Variants in GBP6 observed in about 807,000 individuals in gnomAD.
The protein encoded by GBP6 is guanylate binding protein family member 6.
A neutral mutation model predicts 61.5 loss-of-function variants in GBP6; 54 were observed. The ratio of observed to expected loss-of-function variants is 0.88; its 90% confidence interval spans 0.71 to 1.10. GBP6 has a LOEUF of 1.10. Ranked by LOEUF, GBP6 falls within the 50% of genes least tolerant of loss-of-function variation. The probability of loss-of-function intolerance (pLI) is 0.00; values close to 1 mark genes in which losing one functional copy is unlikely to be tolerated. For synonymous variants in GBP6, 255 were observed against 273.7 expected (o/e 0.93, Z 0.67); for missense variants, 748 against 752.8 (o/e 0.99, Z 0.07).
At chr1:89,382,093 A>C in intron 7 of GBP6, 119 bp downstream of exon 7, 8 of 1,040,006 alleles carry the variant, frequency 7.7e-6, no homozygotes, top group Non-Finnish European at 1.1e-5. Context: ...GTGGATTCTC[A>C]TGAGGGATAG....
chr1:89,368,416 C>A, intron 1 of GBP6, 113 bp from the exon 2 acceptor site: 1 of 686,628 alleles, frequency 1.5e-6, no homozygotes, highest in Non-Finnish European at 2.5e-6. Context: ...TCAGCTAATG[C>A]TAGATTACAT....
Position 89,378,473 on chromosome 1 carries a change from G to T in GBP6, c.485G>T (p.Gly162Val). 1 of 1,614,162 alleles carries T rather than the reference G, an allele frequency of 6.2e-7. No individual in the cohort carries two copies. The highest frequency in any genetic ancestry group is 8.5e-7 in the Non-Finnish European group (1 of 1,180,006). ...GCAAAGTCCTCCCCAAGGCCTGATG[G>T]AGTAGAAGATTCCACAGAGTTTGTG... ...IKAKSSPRPD[G>V]VEDSTEFVSF... The change falls in exon 5 of 11, where the codon GGA becomes GTA. Residue 162 changes from glycine to valine, a missense_variant. By Grantham distance (109) the Gly-to-Val change is moderately radical. Coordinates refer to ENST00000370456, the MANE Select transcript of GBP6 (RefSeq NM_198460.3).
intron 3 of GBP6, among the ~76,000 whole-genome samples, chr1:89,374,805 C>T (rs1423864554): frequency 6.6e-6 from 1 of 152,030 alleles, no homozygotes; most frequent in Non-Finnish European, 1.5e-5. Context: ...GCAAGATGTG[C>T]AGGTTTGTTA....
At position 89,382,831 on chromosome 1, in the gene GBP6, A is replaced by G; in HGVS notation, c.1320A>G (p.Glu440=). ...GGHKLYMETK[E]RIEQDYWQVP... ...ACAAGCTCTACATGGAAACAAAGGA[A>G]AGGATTGAACAGGACTATTGGCAAG... The change falls in exon 8 of 11, where the codon GAA becomes GAG. Residue 440 remains glutamate, a synonymous_variant. Coordinates refer to ENST00000370456, the MANE Select transcript of GBP6 (RefSeq NM_198460.3). 1 of 1,614,092 alleles carries G rather than the reference A, an allele frequency of 6.2e-7. No individual in the cohort carries two copies. Among genetic ancestry groups the G allele is most frequent in the Non-Finnish European group, 8.5e-7 (1 of 1,179,970 alleles).
intron 3 of GBP6, among the ~76,000 whole-genome samples, chr1:89,374,503 T>G (rs1652747902): frequency 1.3e-5 from 2 of 152,276 alleles, no homozygotes; most frequent in South Asian, 4.1e-4. Flanking sequence ...TTGAGGGACC[T>G]CCATACTTTT....
intron 1 of GBP6, among the ~76,000 whole-genome samples, chr1:89,364,815 A>G (rs1165318695): frequency 6.6e-6 from 1 of 150,870 alleles, no homozygotes; most frequent in African/African-American, 2.4e-5. Flanking sequence ...AAGAATAGAC[A>G]CTATGTTTAA....
chr1:89,382,969 C>A, intron 8 of GBP6, 93 bp downstream of exon 8: 1 of 741,630 alleles, frequency 1.3e-6, no homozygotes, highest in Non-Finnish European at 2.3e-6. Context: ...AGAGGGATAG[C>A]ATAACGCCTT....
rs535013098 is a variant in GBP6, at chr1:89,371,822, G to A, written c.318+2149G>A. On this transcript the variant is annotated intron_variant, in intron 3 of 10. Coordinates refer to ENST00000370456, the MANE Select transcript of GBP6 (RefSeq NM_198460.3). Reference sequence around the variant, plus strand: ...TTGGAAGTTCTGGCCAGGGCAATAAGGCAGGAGAAAGAAATAAAGGGTATT... The same window carrying A: ...TTGGAAGTTCTGGCCAGGGCAATAAAGCAGGAGAAAGAAATAAAGGGTATT... Among the ~76,000 whole-genome samples, 5 of 152,294 alleles carry A rather than the reference G, an allele frequency of 3.3e-5. No individual in the cohort carries two copies. In the East Asian group the frequency reaches 9.6e-4, roughly 29 times the overall value.
chr1:89,369,826 TATC>T (rs1203755016), intron 3 of GBP6, among the ~76,000 whole-genome samples, 153 bp downstream of exon 3: 2 of 152,224 alleles, frequency 1.3e-5, no homozygotes, highest in African/African-American at 4.8e-5. Context: ...CAAGGTTAGA[TATC>T]ATGGTATATT....
chr1:89,378,608 T>A lies in GBP6; in HGVS notation c.620T>A (p.Ile207Asn). Reference protein sequence around the residue: ...DEYLENALKLIQGNNPRVQTS... With the variant: ...DEYLENALKLNQGNNPRVQTS... Reference sequence around the variant, plus strand: ...TACCTGGAGAATGCCTTGAAGCTGATTCAAGGTATCAGAATGTGGCCTGGG... The same window carrying A: ...TACCTGGAGAATGCCTTGAAGCTGAATCAAGGTATCAGAATGTGGCCTGGG... Residue 207 changes from isoleucine to asparagine, a missense_variant, in exon 5 of 11, where the codon ATT (isoleucine) becomes AAT (asparagine). Physicochemically the swap from Ile to Asn is moderately radical, Grantham distance 149. Coordinates refer to ENST00000370456, the MANE Select transcript of GBP6 (RefSeq NM_198460.3). The A allele has an allele frequency of 6.2e-7, 1 of 1,611,382 alleles. No homozygotes were observed. The highest frequency in any genetic ancestry group is 8.5e-7 in the Non-Finnish European group (1 of 1,178,010).
At chr1:89,379,658 A>G (rs905848310) in intron 5 of GBP6, among the ~76,000 whole-genome samples, 37 of 152,214 alleles carry the variant, frequency 2.4e-4, no homozygotes, top group Middle Eastern at 3.2e-3. Flanking sequence ...AATGGGTTAC[A>G]TTTATCTGAG....
At chr1:89,364,855 T>A (rs1311090397) in intron 1 of GBP6, among the ~76,000 whole-genome samples, 2 of 151,394 alleles carry the variant, frequency 1.3e-5, no homozygotes, top group African/African-American at 4.9e-5. Context: ...AAAACCACCA[T>A]GTCCCATGGT....
chr1:89,382,839 A>C lies in GBP6; in HGVS notation c.1328A>C (p.Glu443Ala). 1.2e-6 allele frequency: 2 copies of C among 1,614,104 alleles called. No homozygotes were observed. Among genetic ancestry groups the C allele is most frequent in the South Asian group, 2.2e-5 (2 of 91,082 alleles). Reference sequence around the variant, plus strand: ...TACATGGAAACAAAGGAAAGGATTGAACAGGACTATTGGCAAGTTCCCAGG... The same window carrying C: ...TACATGGAAACAAAGGAAAGGATTGCACAGGACTATTGGCAAGTTCCCAGG... The part of the protein sequence containing the change: ...KLYMETKERI[E>A]QDYWQVPRKG... The change falls in exon 8 of 11, where the codon GAA (glutamate) becomes GCA (alanine). Residue 443 changes from glutamate (E) to alanine (A), a missense_variant. Coordinates refer to ENST00000370456, the MANE Select transcript of GBP6 (RefSeq NM_198460.3).
At chr1:89,374,274 T>C (rs571765073) in intron 3 of GBP6, among the ~76,000 whole-genome samples, 3 of 152,320 alleles carry the variant, frequency 2.0e-5, no homozygotes, top group African/African-American at 7.2e-5. Flanking sequence ...TCTTTTTCTG[T>C]TCATGCATTG....
chr1:89,374,270 T>C (rs1283703547), intron 3 of GBP6, among the ~76,000 whole-genome samples: 8 of 152,198 alleles, frequency 5.3e-5, no homozygotes, highest in African/African-American at 1.9e-4. Context: ...ATTTTCTTTT[T>C]CTGTTCATGC....
chr1:89,381,925 T>A lies in GBP6; in HGVS notation c.1103T>A (p.Met368Lys). 1.9e-6 allele frequency: 3 copies of A among 1,614,006 alleles called. No homozygotes were observed. Among genetic ancestry groups the A allele is most frequent in the Non-Finnish European group, 2.5e-6 (3 of 1,179,884 alleles). ...GAGAGGGAAGCCATTGCAATCTTCA[T>A]GGAGCACTCCTTCAAGGATGAAAAT... ...ACEREAIAIF[M>K]EHSFKDENQE... Residue 368 changes from methionine (M) to lysine (K), a missense_variant, in exon 7 of 11, where the codon ATG (methionine) becomes AAG (lysine). Coordinates refer to ENST00000370456, the MANE Select transcript of GBP6 (RefSeq NM_198460.3).
At chr1:89,369,696 G>A (rs1477710819) in intron 3 of GBP6, 23 bp downstream of exon 3, 1 of 1,603,490 alleles carries the variant, frequency 6.2e-7, no homozygotes, top group Non-Finnish European at 8.5e-7. Flanking sequence ...GTCATAGACA[G>A]GTTCCTTTTA....
intron 7 of GBP6, 60 bp downstream of exon 7, chr1:89,382,034 T>A: frequency 6.8e-7 from 1 of 1,474,744 alleles, no homozygotes; most frequent in Non-Finnish European, 9.2e-7. Flanking sequence ...AAGCCTATAG[T>A]TGCCTTTATT....
chr1:89,382,316 C>T (rs760052442), intron 7 of GBP6, among the ~76,000 whole-genome samples: 5 of 152,148 alleles, frequency 3.3e-5, no homozygotes, highest in Non-Finnish European at 7.3e-5. Flanking sequence ...ATCGTAATTC[C>T]GGGCCATTGT....
Sources: gnomAD v4.1 joint callset for allele counts (sites outside exome capture counted in the v4.1 genomes callset) on GRCh38, gnomAD v4.1.1 for gene constraint, MANE v1.5 for transcripts, NCBI Gene and HGNC (gene_info 2026-07-23, HGNC 2026-07-21) for gene names.